Variants in SCN9A observed in about 807,000 individuals in gnomAD.
SCN9A encodes sodium channel protein type 9 subunit alpha.
In SCN9A, 131 loss-of-function variants were observed where a neutral mutation model predicts 187.0. The ratio of observed to expected loss-of-function variants is 0.70; its 90% CI spans 0.61 to 0.81. SCN9A has a LOEUF of 0.81. Among genes scored for constraint, SCN9A ranks in the 30% least tolerant of loss-of-function variants. The pLI is 0.00. For missense variants in SCN9A, 2,252 were observed against 2,396.6 expected (o/e 0.94, Z 1.26); for synonymous variants, 809 against 808.6 (o/e 1.00, Z -0.01).
At position 166,262,796 on chromosome 2, in the gene SCN9A, G is replaced by A. The variant is rs191968382; in HGVS notation, c.3351+9603C>T. On this transcript the variant is annotated intron_variant, in intron 17 of 26. Coordinates refer to ENST00000642356, the MANE Select transcript of SCN9A (RefSeq NM_001365536.1). ...GTCACAAAGACGAAAATTATATAATGTGTGTAAAGGGGCTACTGTATACAT... is the reference window on the plus strand; with the variant it reads ...GTCACAAAGACGAAAATTATATAATATGTGTAAAGGGGCTACTGTATACAT... Among the ~76,000 whole-genome samples the A allele has an allele frequency of 3.3e-5, 5 of 152,070 alleles. No individual in the cohort carries two copies. The South Asian group carries it at 1.0e-3, about 32-fold the overall frequency.
At chr2:166,304,199 T>C in intron 6 of SCN9A, 39 bp downstream of exon 6, 1 of 1,610,644 alleles carries the variant, frequency 6.2e-7, no homozygotes. Context: ...ATAGTTGGAG[T>C]TATGAGTGGC....
intron 1 of SCN9A, among the ~76,000 whole-genome samples, chr2:166,352,085 A>C (rs1420556580): frequency 6.6e-6 from 1 of 152,182 alleles, no homozygotes; most frequent in East Asian, 1.9e-4. Flanking sequence ...CTCAAAAAAA[A>C]TAAGCCCTAA....
chr2:166,241,213 T>C (rs1002858161), intron 19 of SCN9A, among the ~76,000 whole-genome samples: 1 of 152,160 alleles, frequency 6.6e-6, no homozygotes, highest in Non-Finnish European at 1.5e-5. Context: ...ATTTTTAGTA[T>C]AATGAAACTT....
At position 166,375,909 on chromosome 2, in the gene SCN9A, G is replaced by C. The variant is rs1181364107; in HGVS notation, c.-263C>G. 1 of 152,224 alleles carries C rather than the reference G, an allele frequency of 6.6e-6. No homozygotes were observed. Among genetic ancestry groups the C allele is most frequent in the African/African-American group, 2.4e-5 (1 of 41,464 alleles). The allele number at this position is 152,224 out of a possible 1,614,324, so 9.4% of individuals were successfully genotyped here. ...TGGCGGAATTGGAAAGCCGACAGCC[G>C]CCGCTGGAGCGCTGGCGACCGCCTG... On this transcript the variant is annotated 5_prime_UTR_variant, in exon 1 of 27. Transcript: ENST00000642356.
At position 166,286,431 on chromosome 2, in the gene SCN9A, A is replaced by G. The variant is rs1697746312; in HGVS notation, c.1507T>C (p.Ser503Pro). ...EKGDAEKLSK[S>P]ESEDSIRRKS... The stretch of plus-strand genomic sequence containing the variant: ...CTTCTGATGCTGTCCTCTGATTCTG[A>G]TTTCGACAATTTCTCAGCATCTCCC... The change falls in exon 11 of 27, where the codon TCA becomes CCA. Residue 503 changes from serine to proline, a missense_variant. Transcript: ENST00000642356. 2 of 1,613,750 alleles carry G rather than the reference A, an allele frequency of 1.2e-6. No individual in the cohort carries two copies. Among genetic ancestry groups the G allele is most frequent in the East Asian group, 4.5e-5 (2 of 44,854 alleles).
chr2:166,365,432 A>G (rs1700392058), intron 1 of SCN9A, among the ~76,000 whole-genome samples: 1 of 152,190 alleles, frequency 6.6e-6, no homozygotes, highest in African/African-American at 2.4e-5. Context: ...GAGCACACTC[A>G]TCCCTTTCCA....
intron 7 of SCN9A, among the ~76,000 whole-genome samples, chr2:166,295,383 G>A (rs1016463563): frequency 1.3e-5 from 2 of 152,146 alleles, no homozygotes; most frequent in African/African-American, 2.4e-5. Flanking sequence ...TCATTAGGAC[G>A]TTTCGTCCTT....
At chr2:166,237,942 G>A (rs1695393287) in intron 20 of SCN9A, among the ~76,000 whole-genome samples, 152 bp downstream of exon 20, 3 of 152,228 alleles carry the variant, frequency 2.0e-5, no homozygotes, top group African/African-American at 7.2e-5. Flanking sequence ...TCCACTGGCT[G>A]TGTTAATATT....
intron 17 of SCN9A, among the ~76,000 whole-genome samples, chr2:166,253,757 T>C (rs538169811): frequency 1.3e-5 from 2 of 151,812 alleles, no homozygotes; most frequent in Non-Finnish European, 1.5e-5. Context: ...GGCCCTTCAT[T>C]TCTGAAAAAA....
At chr2:166,327,581 T>C (rs949500449) in intron 1 of SCN9A, among the ~76,000 whole-genome samples, 3 of 152,210 alleles carry the variant, frequency 2.0e-5, no homozygotes, top group Non-Finnish European at 4.4e-5. Context: ...ACCATATTAT[T>C]TGTTACCTGA....
rs372002155 is a variant in SCN9A, at chr2:166,304,274, C to T, written c.652G>A (p.Val218Ile). ...GNVSALRTFR[V>I]LRALKTISVI... ...GAAATAGTTTTCAAAGCTCTCAATA[C>T]TCTGAAAGTTCGAAGAGCTGAAACA... Residue 218 changes from valine (V) to isoleucine (I), a missense_variant, in exon 6 of 27, where the codon GTA (valine) becomes ATA (isoleucine). Physicochemically the swap from Val to Ile is conservative, Grantham distance 29. Coordinates refer to ENST00000642356, the MANE Select transcript of SCN9A (RefSeq NM_001365536.1). 3.1e-6 allele frequency: 5 copies of T among 1,613,512 alleles called. No individual in the cohort carries two copies. The African/African-American group carries it at 6.7e-5, about 22-fold the overall frequency.
rs371684413 is a variant in SCN9A at position 166,251,676 on chromosome 2, C to A, written c.3472+89G>T. The A allele has an allele frequency of 1.6e-5, 23 of 1,416,208 alleles. No homozygotes were observed. In the South Asian group the frequency reaches 2.2e-4, roughly 13 times the overall value. 87.7% of individuals were successfully genotyped at this position (1,416,208 alleles called of 1,614,324 possible). ...GCATGGAATGGAGTCTTCTGACTTACCGACAACCTCTGGTAAGTATTAGGC... is the reference window on the plus strand; with the variant it reads ...GCATGGAATGGAGTCTTCTGACTTAACGACAACCTCTGGTAAGTATTAGGC... On this transcript the variant is annotated intron_variant, in intron 18 of 26. Coordinates refer to ENST00000642356, the MANE Select transcript of SCN9A (RefSeq NM_001365536.1).
chr2:166,220,205 AC>A (rs1694521974), intron 24 of SCN9A, among the ~76,000 whole-genome samples: 1 of 152,164 alleles, frequency 6.6e-6, no homozygotes, highest in Admixed American at 6.5e-5. Context: ...GAAGCATTTG[AC>A]AAATTTCAAC....
At chr2:166,370,426 C>T (rs1376398758) in intron 1 of SCN9A, among the ~76,000 whole-genome samples, 1 of 151,340 alleles carries the variant, frequency 6.6e-6, no homozygotes. Flanking sequence ...CGCCTGTAGT[C>T]CCAGCTACTC....
rs956269106 is a variant in SCN9A at position 166,280,703 on chromosome 2, G to A, written c.2105-108C>T. 4 of 687,172 alleles carry A rather than the reference G, an allele frequency of 5.8e-6. No individual in the cohort carries two copies. The African/African-American group carries it at 7.2e-5, about 12-fold the overall frequency. The allele number at this position is 687,172 out of a possible 1,614,324, so 42.6% of individuals were successfully genotyped here. On this transcript the variant is annotated intron_variant, in intron 13 of 26. Coordinates refer to ENST00000642356, the MANE Select transcript of SCN9A (RefSeq NM_001365536.1). The stretch of plus-strand genomic sequence containing the variant: ...ATATTGAAACAAGGTTTATAGTTTA[G>A]ATTTTGAAAATTTAACAGTACTATT...
chr2:166,288,426 A>C lies in SCN9A; in HGVS notation c.1314+11T>G, dbSNP rs769486018. The C allele has an allele frequency of 6.3e-7, 1 of 1,597,132 alleles. No individual in the cohort carries two copies. Among genetic ancestry groups the C allele is most frequent in the South Asian group, 1.1e-5 (1 of 89,082 alleles). ...TACCTCTAGGAAGAATTTTAAATCA[A>C]ATAACAGTACCTCAGCTTCTTCTTG... On this transcript the variant is annotated intron_variant, in intron 10 of 26. Transcript: ENST00000642356.
In SCN9A at chr2:166,353,529, C is replaced by T. The variant is rs113436493; in HGVS notation, c.-51+22168G>A. 8.6e-3 allele frequency among the ~76,000 whole-genome samples: 1,312 copies of T among 152,274 alleles called. 9 individuals are homozygous for T. Among genetic ancestry groups the T allele is most frequent in the South Asian group, 0.015 (72 of 4,826 alleles). ...TCTACATTCCAGCTACATTATTCTA[C>T]GTTTAATTTCCCCAAAGGTCAGCTA... On this transcript the variant is annotated intron_variant, in intron 1 of 26. Coordinates refer to ENST00000642356, the MANE Select transcript of SCN9A (RefSeq NM_001365536.1).
At chr2:166,253,263 G>A (rs1279241261) in intron 17 of SCN9A, among the ~76,000 whole-genome samples, 2 of 151,768 alleles carry the variant, frequency 1.3e-5, no homozygotes, top group African/African-American at 4.8e-5. Context: ...TATAACTGGA[G>A]TAAATAATTA....
chr2:166,255,504 G>C (rs543936947), intron 17 of SCN9A, among the ~76,000 whole-genome samples: 7 of 151,266 alleles, frequency 4.6e-5, no homozygotes, highest in African/African-American at 1.7e-4. Flanking sequence ...TGTTCCAAGA[G>C]GTGTGAGGTA....
Sources: allele counts gnomAD v4.1 joint callset (sites outside exome capture counted in the v4.1 genomes callset), GRCh38; gene constraint gnomAD v4.1.1; transcripts MANE v1.5; gene names NCBI Gene and HGNC (gene_info 2026-07-23, HGNC 2026-07-21).